The following PKD2 variants were observed in gnomAD, a reference collection of about 807,000 sequenced individuals.
The protein encoded by PKD2 is polycystin-2.
A neutral mutation model predicts 105.9 loss-of-function variants in PKD2; 48 were observed. The observed-to-expected ratio is 0.45, with a 90% CI of 0.36 to 0.58. The LOEUF (loss-of-function observed/expected upper bound fraction) is 0.58. PKD2 is among the 20% of genes least tolerant of loss of function. PKD2 has a pLI of 0.00. For missense variants in PKD2, 1,078 were observed against 1,255.3 expected (o/e 0.86, Z 2.13); for synonymous variants, 464 against 481.1 (o/e 0.96, Z 0.46).
At chr4:88,022,088 A>C (rs1235049188) in intron 2 of PKD2, among the ~76,000 whole-genome samples, 2 of 152,200 alleles carry the variant, frequency 1.3e-5, no homozygotes, top group East Asian at 1.9e-4. Flanking sequence ...CTGTTTCATC[A>C]TATAAATAAT....
chr4:88,055,529 G>C (rs1412546316), intron 7 of PKD2, among the ~76,000 whole-genome samples: 1 of 151,792 alleles, frequency 6.6e-6, no homozygotes, highest in African/African-American at 2.4e-5. Flanking sequence ...TAATGAAACA[G>C]AATCTTGCCA....
chr4:88,075,383 G>A (rs1018102054), intron 14 of PKD2, 75 bp from the exon 15 acceptor site: 1 of 1,051,112 alleles, frequency 9.5e-7, no homozygotes. Flanking sequence ...CCAAACTACA[G>A]ATTATTTGGT....
chr4:88,054,613 T>A (rs1167092317), intron 7 of PKD2, among the ~76,000 whole-genome samples: 1 of 151,548 alleles, frequency 6.6e-6, no homozygotes, highest in Non-Finnish European at 1.5e-5. Flanking sequence ...CTCGATACTT[T>A]ATCATTAAGG....
chr4:88,062,282 A>T (rs1343871073), intron 10 of PKD2, among the ~76,000 whole-genome samples: 1 of 152,186 alleles, frequency 6.6e-6, no homozygotes, highest in African/African-American at 2.4e-5. Context: ...CATCACCTTC[A>T]TTATTTTGAC....
At chr4:88,019,623 C>T (rs1726681597) in intron 2 of PKD2, 52 bp downstream of exon 2, 3 of 976,338 alleles carry the variant, frequency 3.1e-6, no homozygotes, top group Non-Finnish European at 5.0e-6. Context: ...AAGATTTGAC[C>T]TATCCAAATC....
intron 3 of PKD2, 46 bp downstream of exon 3, chr4:88,036,399 G>A (rs1379429344): frequency 2.5e-6 from 4 of 1,610,402 alleles, no homozygotes; most frequent in African/African-American, 1.3e-5. Context: ...ACAGAAAATT[G>A]TTCATTTGGC....
intron 6 of PKD2, among the ~76,000 whole-genome samples, chr4:88,050,052 G>A (rs1719995093): frequency 7.0e-6 from 1 of 143,120 alleles, no homozygotes; most frequent in Admixed American, 7.5e-5. Flanking sequence ...TCGGCTCACT[G>A]CAAGCTCTGC....
chr4:88,073,636 C>T (rs1334921938), intron 13 of PKD2, among the ~76,000 whole-genome samples: 1 of 152,124 alleles, frequency 6.6e-6, no homozygotes, highest in Admixed American at 6.5e-5. Context: ...GAGCCCTGTG[C>T]TCTTAGCTGC....
chr4:88,070,601 T>TATATATAG lies in PKD2; in HGVS notation c.2522+2541_2522+2542insTATATAGA, dbSNP rs1313482750. 6.4e-3 allele frequency among the ~76,000 whole-genome samples: 585 copies of TATATATAG among 91,408 alleles called. 2 individuals are homozygous for TATATATAG. The highest frequency in any genetic ancestry group is 0.01 in the Non-Finnish European group (481 of 47,714). 60.0% of individuals were successfully genotyped at this position (91,408 alleles called of 152,430 possible). On this transcript the variant is annotated intron_variant, in intron 13 of 14. Transcript: ENST00000237596. ...ATATATATATATATATATATATATA[T>TATATATAG]AGAGAGAGAGAGAGAGAGAGAGAGA...
chr4:88,027,447 C>T (rs1158785939), intron 2 of PKD2, among the ~76,000 whole-genome samples: 1 of 152,350 alleles, frequency 6.6e-6, no homozygotes, highest in Non-Finnish European at 1.5e-5. Flanking sequence ...TACCCAATGC[C>T]TGTACCCCCA....
chr4:88,031,544 TTA>T lies in PKD2; in HGVS notation c.710-4670_710-4669del, dbSNP rs201151356. Among the ~76,000 whole-genome samples the T allele has an allele frequency of 6.0e-3, 909 of 152,334 alleles. 12 individuals carry two copies. The highest frequency in any genetic ancestry group is 0.021 in the African/African-American group (853 of 41,572). ...CCAAGGCATCTTAGTTCTACTGTCT[TTA>T]TATATCTAGTACAGTTATATTTTTA... On this transcript the variant is annotated intron_variant, in intron 2 of 14. Transcript: ENST00000237596.
At chr4:88,064,804 A>G (rs926954170) in intron 10 of PKD2, among the ~76,000 whole-genome samples, 12 of 151,886 alleles carry the variant, frequency 7.9e-5, no homozygotes, top group African/African-American at 2.9e-4. Context: ...AGTTGGGAAA[A>G]TCACTTGAGC....
chr4:88,033,059 T>C (rs1018489292), intron 2 of PKD2, among the ~76,000 whole-genome samples: 1 of 152,200 alleles, frequency 6.6e-6, no homozygotes, highest in Non-Finnish European at 1.5e-5. Context: ...TTTGTAGAGC[T>C]GTCATTCAGG....
intron 2 of PKD2, among the ~76,000 whole-genome samples, chr4:88,023,636 G>A (rs1051619780): frequency 2.0e-5 from 3 of 152,082 alleles, no homozygotes; most frequent in African/African-American, 7.2e-5. Flanking sequence ...GTAAATGTGG[G>A]CAAGTTAATT....
chr4:88,007,860 C>G lies in PKD2; in HGVS notation c.127C>G (p.Pro43Ala). 2.4e-6 allele frequency: 3 copies of G among 1,234,366 alleles called. No homozygotes were observed. The highest frequency in any genetic ancestry group is 3.0e-6 in the Non-Finnish European group (3 of 989,756). 76.5% of individuals were successfully genotyped at this position (1,234,366 alleles called of 1,614,324 possible). A position where few individuals can be genotyped will look rare whatever the true frequency, so the allele number is the denominator to read the frequency against. The change falls in exon 1 of 15, where the codon CCG becomes GCG. Residue 43 changes from proline (P) to alanine (A), a missense_variant. Transcript: ENST00000237596. ...CAAVGASLAA[P>A]GGLCEQRGLE... The stretch of plus-strand genomic sequence containing the variant: ...GGCCGTGGGCGCCAGCCTCGCCGCC[C>G]CGGGCGGCCTCTGCGAGCAGCGGGG...
At chr4:88,026,064 C>T (rs529939410) in intron 2 of PKD2, among the ~76,000 whole-genome samples, 1 of 152,100 alleles carries the variant, frequency 6.6e-6, no homozygotes, top group South Asian at 2.1e-4. Flanking sequence ...GAGTGGGGTA[C>T]TGCTATAAAA....
chr4:88,025,268 G>A (rs1264249183), intron 2 of PKD2, among the ~76,000 whole-genome samples: 1 of 152,070 alleles, frequency 6.6e-6, no homozygotes, highest in Non-Finnish European at 1.5e-5. Flanking sequence ...GGCCAGCCTG[G>A]GCAACATAGC....
At chr4:88,008,494 C>T (rs948385880) in intron 1 of PKD2, among the ~76,000 whole-genome samples, 166 bp downstream of exon 1, 1 of 152,194 alleles carries the variant, frequency 6.6e-6, no homozygotes, top group Non-Finnish European at 1.5e-5. Context: ...GCCCTATTTC[C>T]GGTACCCAGC....
At chr4:88,067,713 C>A (rs189927634) in intron 12 of PKD2, among the ~76,000 whole-genome samples, 185 bp from the exon 13 acceptor site, 5 of 152,238 alleles carry the variant, frequency 3.3e-5, no homozygotes, top group Admixed American at 2.6e-4. Context: ...GTTGGCTATT[C>A]CTTGCTGTTA....
Sources: gnomAD v4.1 joint callset for allele counts (sites outside exome capture counted in the v4.1 genomes callset) on GRCh38, gnomAD v4.1.1 for gene constraint, MANE v1.5 for transcripts, NCBI Gene and HGNC (gene_info 2026-07-23, HGNC 2026-07-21) for gene names.